The following ZNF48 variants were observed in gnomAD, a reference collection of about 807,000 sequenced individuals.
The protein encoded by ZNF48 is zinc finger protein 48, also known as zinc finger protein 553.
A neutral mutation model predicts 40.0 loss-of-function variants in ZNF48; 20 were observed. That is an observed-to-expected ratio of 0.50 (90% CI 0.35 to 0.73). The LOEUF (loss-of-function observed/expected upper bound fraction) is 0.73. ZNF48 is among the 30% of genes least tolerant of loss of function. ZNF48 has a pLI of 0.01. For missense variants in ZNF48, 726 were observed against 851.9 expected (o/e 0.85, Z 1.84); for synonymous variants, 298 against 329.7 (o/e 0.90, Z 1.04).
chr16:30,381,038 C>T lies in ZNF48; in HGVS notation c.-16+2628C>T. On this transcript the variant is annotated intron_variant, in intron 1 of 2. Coordinates refer to the ZNF48 transcript ENST00000528032. The surrounding 1 kb of genome is among the most constrained non-coding windows in gnomAD (Gnocchi z 4.3). ...CAATCTAGCCTGATGCACCATGCTCCAGAAAGGCCACTTCAAGATCAAAGA... is the reference window on the plus strand; with the variant it reads ...CAATCTAGCCTGATGCACCATGCTCTAGAAAGGCCACTTCAAGATCAAAGA... 1.9e-6 allele frequency: 2 copies of T among 1,077,352 alleles called. No homozygotes were observed. The highest frequency in any genetic ancestry group is 2.9e-6 in the Non-Finnish European group (2 of 695,058). The allele number at this position is 1,077,352 out of a possible 1,614,324, so 66.7% of individuals were successfully genotyped here. A position where few individuals can be genotyped will look rare whatever the true frequency, so the allele number is the denominator to read the frequency against.
Position 30,381,974 on chromosome 16 carries a change from C to A in ZNF48, c.-16+3564C>A. The stretch of plus-strand genomic sequence containing the variant: ...ATATCACAGTTGCCTGCACCCATTT[C>A]CCAGGGGAGGAAAGTCTCAGAAAAA... On this transcript the variant is annotated intron_variant, in intron 1 of 2. Coordinates refer to the ZNF48 transcript ENST00000528032. The surrounding 1 kb of genome is among the most constrained non-coding windows in gnomAD (Gnocchi z 4.3). The A allele has an allele frequency of 1.2e-6, 2 of 1,603,968 alleles. No individual in the cohort carries two copies. The highest frequency in any genetic ancestry group is 1.7e-6 in the Non-Finnish European group (2 of 1,173,584).
Position 30,397,692 on chromosome 16 carries a change from G to A in ZNF48, c.442G>A (p.Gly148Ser). 2 of 1,613,974 alleles carry A rather than the reference G, an allele frequency of 1.2e-6. No homozygotes were observed. The highest frequency in any genetic ancestry group is 1.7e-6 in the Non-Finnish European group (2 of 1,180,000). The change falls in exon 3 of 3, where the codon GGC becomes AGC. Residue 148 changes from glycine to serine, a missense_variant. Transcript: ENST00000613509. This position sits in a 1 kb window ranked among gnomAD's most constrained non-coding sequence, Gnocchi z 4.1. The stretch of plus-strand genomic sequence containing the variant: ...CTACAAGTGTGGGGTCTGTGGCAAG[G>A]GCTTTGGGGATAGCTCTGCCCGGAT... Reference protein sequence around the residue: ...KPYKCGVCGKGFGDSSARIKH... With the variant: ...KPYKCGVCGKSFGDSSARIKH...
chr16:30,394,862 C>G (rs1343416652), upstream of ZNF48: 1 of 231,764 alleles, frequency 4.3e-6, no homozygotes, highest in African/African-American at 2.3e-5. Flanking sequence ...TTCCGGGCCC[C>G]AGGTCTGATT....
chr16:30,394,392 C>A (rs545770261), upstream of ZNF48, among the ~76,000 whole-genome samples: 278 of 152,292 alleles, frequency 1.8e-3, 1 homozygote, highest in African/African-American at 6.5e-3. Flanking sequence ...TCTCTCCACC[C>A]CAAAACCAAG....
chr16:30,378,460 G>T, intron 1 of ZNF48: 1 of 1,575,702 alleles, frequency 6.3e-7, no homozygotes. Context: ...TGCTCGCCCT[G>T]GGCCTGGCTC....
In ZNF48 at chr16:30,381,899, G is replaced by A. The variant is rs764240815; in HGVS notation, c.-16+3489G>A. 6 of 1,613,864 alleles carry A rather than the reference G, an allele frequency of 3.7e-6. No homozygotes were observed. The East Asian group carries it at 1.3e-4, about 36-fold the overall frequency. ...GTCAAGCGAGCTGTGGGATGGGGGA[G>A]AGGTCAGGGATCCGGGGAGGCTCTG... On this transcript the variant is annotated intron_variant, in intron 1 of 2. Transcript: ENST00000528032. This position sits in a 1 kb window ranked among gnomAD's most constrained non-coding sequence, Gnocchi z 4.3.
intron 1 of ZNF48, among the ~76,000 whole-genome samples, chr16:30,387,962 A>C (rs1243447941): frequency 6.7e-6 from 1 of 149,146 alleles, no homozygotes; most frequent in Non-Finnish European, 1.5e-5. Flanking sequence ...TGTTCTCTAC[A>C]TCTTTTTTTT....
Position 30,382,684 on chromosome 16 carries a change from A to C in ZNF48, c.-16+4274A>C. 1 of 1,531,254 alleles carries C rather than the reference A, an allele frequency of 6.5e-7. No homozygotes were observed. Among genetic ancestry groups the C allele is most frequent in the Non-Finnish European group, 8.8e-7 (1 of 1,140,618 alleles). The allele number at this position is 1,531,254 out of a possible 1,614,324, so 94.9% of individuals were successfully genotyped here. ...GGTGGGGAAGGCCAAGGCCAAGAACACTTGGGGTTGCCACCTCCTGGACCC... is the reference window on the plus strand; with the variant it reads ...GGTGGGGAAGGCCAAGGCCAAGAACCCTTGGGGTTGCCACCTCCTGGACCC... On this transcript the variant is annotated intron_variant, in intron 1 of 2. Transcript: ENST00000528032. This position sits in a 1 kb window ranked among gnomAD's most constrained non-coding sequence, Gnocchi z 4.8.
At position 30,398,671 on chromosome 16, in the gene ZNF48, CAG is replaced by C. The variant is rs751219379; in HGVS notation, c.1422_1423del (p.Lys477ThrfsTer6). Reference sequence around the variant, plus strand: ...CTGGTGAAACACCATCGTGTGCACACAGGGGAGAAACCCTACCTCTGTCCTGA... The same window carrying C: ...CTGGTGAAACACCATCGTGTGCACACGGGAGAAACCCTACCTCTGTCCTGA... On this transcript the variant is annotated frameshift_variant, in exon 3 of 3. Coordinates refer to ENST00000613509, the MANE Select transcript of ZNF48 (RefSeq NM_001214909.2). LOFTEE classifies it high-confidence loss of function. This position sits in a 1 kb window ranked among gnomAD's most constrained non-coding sequence, Gnocchi z 6.6. The C allele has an allele frequency of 1.6e-5, 26 of 1,613,188 alleles. No homozygotes were observed. Among genetic ancestry groups the C allele is most frequent in the East Asian group, 4.5e-5 (2 of 44,764 alleles).
At chr16:30,378,857 A>G (rs1426507163) in intron 1 of ZNF48, among the ~76,000 whole-genome samples, 2 of 103,194 alleles carry the variant, frequency 1.9e-5, no homozygotes, top group Non-Finnish European at 1.9e-5. Flanking sequence ...AGAGAGGGGG[A>G]GAGAGGGAGA....
chr16:30,388,070 G>A (rs941879345), intron 1 of ZNF48, among the ~76,000 whole-genome samples: 4 of 151,522 alleles, frequency 2.6e-5, no homozygotes, highest in Non-Finnish European at 4.4e-5. Flanking sequence ...GAGTTCAAGC[G>A]ATTCTCCTAC....
At chr16:30,383,066 C>T in intron 1 of ZNF48, 1 of 489,280 alleles carries the variant, frequency 2.0e-6, no homozygotes, top group East Asian at 3.9e-5. Flanking sequence ...CCTGTAGTCC[C>T]AGCTACTGGG....
rs145186271 is a variant in ZNF48, at chr16:30,397,990, C to A, written c.740C>A (p.Pro247His). ...CAGCGGACACACCGGGGGGAGCAGCCCCCCCGACCAGTGGTGCCCCGACGG... is the reference window on the plus strand; with the variant it reads ...CAGCGGACACACCGGGGGGAGCAGCACCCCCGACCAGTGGTGCCCCGACGG... Reference protein sequence around the residue: ...KHQRTHRGEQPPRPVVPRRQP... With the variant: ...KHQRTHRGEQHPRPVVPRRQP... Residue 247 changes from proline (P) to histidine (H), a missense_variant, in exon 3 of 3, where the codon CCC (proline) becomes CAC (histidine). By Grantham distance (77) the Pro-to-His change is moderately conservative (BLOSUM62 -2). This residue lies in a region of ZNF48 where 378 missense variants were observed against 449.1 expected (regional missense o/e 0.84). Transcript: ENST00000613509. This position sits in a 1 kb window ranked among gnomAD's most constrained non-coding sequence, Gnocchi z 4.1. The A allele has an allele frequency of 1.3e-5, 21 of 1,613,586 alleles. No individual in the cohort carries two copies. The highest frequency in any genetic ancestry group is 1.8e-5 in the Non-Finnish European group (21 of 1,179,892).
chr16:30,386,313 ATC>A (rs1190636435), intron 1 of ZNF48, among the ~76,000 whole-genome samples: 1 of 152,140 alleles, frequency 6.6e-6, no homozygotes, highest in African/African-American at 2.4e-5. Flanking sequence ...ATATATATTT[ATC>A]TGTTTATTGT....
chr16:30,394,168 AG>A (rs560864704), upstream of ZNF48, among the ~76,000 whole-genome samples: 1 of 152,280 alleles, frequency 6.6e-6, no homozygotes, highest in South Asian at 2.1e-4. Flanking sequence ...TTACAGGGGC[AG>A]GCCACCAGGC....
Position 30,382,475 on chromosome 16 carries a change from C to A in ZNF48, c.-16+4065C>A. 1 of 1,586,272 alleles carries A rather than the reference C, an allele frequency of 6.3e-7. No individual in the cohort carries two copies. Among genetic ancestry groups the A allele is most frequent in the South Asian group, 1.1e-5 (1 of 89,128 alleles). On this transcript the variant is annotated intron_variant, in intron 1 of 2. Coordinates refer to the ZNF48 transcript ENST00000528032. This position sits in a 1 kb window ranked among gnomAD's most constrained non-coding sequence, Gnocchi z 4.8. ...GTCAGTGGGGTCTGGGGACCCCAGG[C>A]ATGGGGGCTGGGGGCCGAGATGCCC...
At position 30,382,462 on chromosome 16, in the gene ZNF48, TG is replaced by T; in HGVS notation, c.-16+4056del. On this transcript the variant is annotated intron_variant, in intron 1 of 2. Coordinates refer to the ZNF48 transcript ENST00000528032. The surrounding 1 kb of genome is among the most constrained non-coding windows in gnomAD (Gnocchi z 4.8). Reference sequence around the variant, plus strand: ...TGGGCTAGGAAGAGTCAGTGGGGTCTGGGGACCCCAGGCATGGGGGCTGGGG... The same window carrying T: ...TGGGCTAGGAAGAGTCAGTGGGGTCTGGGACCCCAGGCATGGGGGCTGGGG... 6.4e-7 allele frequency: 1 copy of T among 1,565,398 alleles called. No homozygotes were observed. Among genetic ancestry groups the T allele is most frequent in the South Asian group, 1.1e-5 (1 of 88,596 alleles).
upstream of ZNF48, among the ~76,000 whole-genome samples, chr16:30,393,916 CT>C (rs903034630): frequency 2.0e-5 from 3 of 151,764 alleles, no homozygotes; most frequent in Admixed American, 2.0e-4. Flanking sequence ...ACAAGGTCCA[CT>C]TTTTTGCCTA....
Position 30,397,692 on chromosome 16 carries a change from G to C in ZNF48, c.442G>C (p.Gly148Arg). The change falls in exon 3 of 3, where the codon GGC (glycine) becomes CGC (arginine). Residue 148 changes from glycine (G) to arginine (R), a missense_variant. Physicochemically the swap from Gly to Arg is moderately radical, Grantham distance 125. Around this residue, in one of 5 missense-constraint regions of ZNF48, gnomAD observed 378 missense variants for 449.1 expected, o/e 0.84. Transcript: ENST00000613509. The surrounding 1 kb of genome is among the most constrained non-coding windows in gnomAD (Gnocchi z 4.1). ...CTACAAGTGTGGGGTCTGTGGCAAG[G>C]GCTTTGGGGATAGCTCTGCCCGGAT... ...KPYKCGVCGK[G>R]FGDSSARIKH... The C allele has an allele frequency of 6.2e-7, 1 of 1,613,974 alleles. No homozygotes were observed. Among genetic ancestry groups the C allele is most frequent in the East Asian group, 2.2e-5 (1 of 44,872 alleles).
Sources: gnomAD v4.1 joint callset for allele counts (sites outside exome capture counted in the v4.1 genomes callset) on GRCh38, gnomAD v4.1.1 for gene constraint, gnomAD v4.1.1 regional missense constraint, Gnocchi (gnomAD v3.1) non-coding constraint, MANE v1.5 for transcripts, NCBI Gene and HGNC (gene_info 2026-07-23, HGNC 2026-07-21) for gene names.